The following INTS9 variants were observed in gnomAD, a reference collection of about 807,000 sequenced individuals.
INTS9 encodes protein related to CPSF subunits of 74 kDa.
A neutral mutation model predicts 79.7 loss-of-function variants in INTS9; 55 were observed. The observed-to-expected ratio is 0.69, with a 90% CI of 0.56 to 0.86. The LOEUF (loss-of-function observed/expected upper bound fraction) is 0.86, where lower values mean the gene tolerates loss of function less well. INTS9 is among the 40% of genes least tolerant of loss of function. The probability of loss-of-function intolerance (pLI) is 0.00; values close to 1 mark genes in which losing one functional copy is unlikely to be tolerated. For synonymous variants in INTS9, 319 were observed against 325.2 expected (o/e 0.98, Z 0.20); for missense variants, 721 against 831.5 (o/e 0.87, Z 1.64).
At position 28,768,044 on chromosome 8, in the gene INTS9, C is replaced by T. The variant is rs1437017447; in HGVS notation, c.*102G>A. On this transcript the variant is annotated 3_prime_UTR_variant, in exon 17 of 17. Transcript: ENST00000521022. ...TCACTCCTTAAGCCAGAGGACACCA[C>T]AAAGACACAGTTAATGGCCTCTCAT... 9.2e-7 allele frequency: 1 copy of T among 1,090,096 alleles called. No homozygotes were observed. Among genetic ancestry groups the T allele is most frequent in the Non-Finnish European group, 1.4e-6 (1 of 724,644 alleles). 67.5% of individuals were successfully genotyped at this position (1,090,096 alleles called of 1,614,324 possible). A position where few individuals can be genotyped will look rare whatever the true frequency, so the allele number is the denominator to read the frequency against.
rs771721619 is a variant in INTS9, at chr8:28,812,442, TG to T, written c.628del (p.Gln210ArgfsTer2). 1 of 1,613,890 alleles carries T rather than the reference TG, an allele frequency of 6.2e-7. No individual in the cohort carries two copies. Among genetic ancestry groups the T allele is most frequent in the South Asian group, 1.1e-5 (1 of 91,028 alleles). ...ATAGCCAGAGCTCAGAGGAGTCACC[TG>T]GACCGCACCAAAAAGCTCCTAAAAG... is the stretch of plus-strand genomic sequence containing the variant. ...SQKIELFGAV[Q>X]VTPLSSGYAL... is the part of the protein sequence containing the mutation. On this transcript the variant is annotated frameshift_variant, in exon 8 of 17. Coordinates refer to ENST00000521022, the MANE Select transcript of INTS9 (RefSeq NM_018250.4). LOFTEE classifies it high-confidence loss of function.
chr8:28,838,493 A>C (rs1028957501), intron 4 of INTS9, among the ~76,000 whole-genome samples: 1 of 152,152 alleles, frequency 6.6e-6, no homozygotes, highest in African/African-American at 2.4e-5. Context: ...ATTTTTCCAT[A>C]TATTTAAGTC....
At chr8:28,843,564 G>A (rs576793290) in intron 4 of INTS9, among the ~76,000 whole-genome samples, 3 of 152,134 alleles carry the variant, frequency 2.0e-5, no homozygotes, top group Non-Finnish European at 2.9e-5. Context: ...TCACATCAGA[G>A]TCTACAGGTA....
At position 28,768,282 on chromosome 8, in the gene INTS9, C is replaced by G; in HGVS notation, c.1841G>C (p.Gly614Ala). ...AGCCTCCTGGAGCAGGACGATATGG[C>G]CCTTGGCTGTGTCCTCCACCTTAAT... ...SDIKVEDTAK[G>A]HIVLLQEAET... Residue 614 changes from glycine (G) to alanine (A), a missense_variant, in exon 17 of 17, where the codon GGC becomes GCC. Gly to Ala is a moderately conservative substitution (Grantham distance 60). Transcript: ENST00000521022. 2 of 1,613,940 alleles carry G rather than the reference C, an allele frequency of 1.2e-6. No homozygotes were observed. The highest frequency in any genetic ancestry group is 1.7e-6 in the Non-Finnish European group (2 of 1,180,030).
chr8:28,796,826 G>A lies in INTS9; in HGVS notation c.745-171C>T. 3 of 565,038 alleles carry A rather than the reference G, an allele frequency of 5.3e-6. No individual in the cohort carries two copies. The South Asian group carries it at 6.8e-5, about 13-fold the overall frequency. 35.0% of individuals were successfully genotyped at this position (565,038 alleles called of 1,614,324 possible). On this transcript the variant is annotated intron_variant, in intron 8 of 16. Coordinates refer to ENST00000521022, the MANE Select transcript of INTS9 (RefSeq NM_018250.4). ...CTTAACCACTGGCTGCCTAAGTTGG[G>A]TGGGGACTGATGGGAGGAGGCAAGA...
At chr8:28,772,626 T>C (rs2130851469) in intron 14 of INTS9, among the ~76,000 whole-genome samples, 1 of 151,930 alleles carries the variant, frequency 6.6e-6, no homozygotes, top group East Asian at 1.9e-4. Context: ...GCTAACACAG[T>C]GAAACCCTGT....
At chr8:28,835,808 G>A (rs114986026) in intron 5 of INTS9, among the ~76,000 whole-genome samples, 1,534 of 151,820 alleles carry the variant, frequency 0.01, 26 homozygotes, top group African/African-American at 0.035. Flanking sequence ...ACAATATTAA[G>A]TGAACTTTTT....
chr8:28,815,610 A>G (rs1400341772), intron 6 of INTS9, among the ~76,000 whole-genome samples: 4 of 152,298 alleles, frequency 2.6e-5, no homozygotes, highest in Non-Finnish European at 4.4e-5. Flanking sequence ...AGTCTGAAAC[A>G]CTTTGGTCCC....
chr8:28,842,658 C>T (rs1367194896), intron 4 of INTS9, among the ~76,000 whole-genome samples: 1 of 152,044 alleles, frequency 6.6e-6, no homozygotes, highest in Non-Finnish European at 1.5e-5. Context: ...TGAAACGTTT[C>T]ACCTCCCACT....
chr8:28,785,749 G>A (rs759677923), intron 11 of INTS9, among the ~76,000 whole-genome samples: 2 of 152,126 alleles, frequency 1.3e-5, no homozygotes, highest in Non-Finnish European at 2.9e-5. Flanking sequence ...TGGAAGATAC[G>A]TATGTGCACA....
chr8:28,865,034 A>G (rs751126715), intron 1 of INTS9, among the ~76,000 whole-genome samples: 2 of 152,002 alleles, frequency 1.3e-5, no homozygotes, highest in Non-Finnish European at 2.9e-5. Flanking sequence ...TTTTCATAGT[A>G]AAAAAATCTC....
chr8:28,775,843 C>T lies in INTS9; in HGVS notation c.1479G>A (p.Gln493=), dbSNP rs778992467. Residue 493 remains glutamine (Q), a synonymous_variant, in exon 14 of 17, where the codon CAG becomes CAA. Transcript: ENST00000521022. ...SHRMDLMIDC[Q]PPAMSYRRAE... is the part of the protein sequence containing the mutation. ...CCCGCCGATAGGACATGGCGGGGGG[C>T]TGGCAGTCGATCATGAGGTCCATCC... is the stretch of plus-strand genomic sequence containing the variant. 6.2e-7 allele frequency: 1 copy of T among 1,613,532 alleles called. No individual in the cohort carries two copies. The highest frequency in any genetic ancestry group is 1.1e-5 in the South Asian group (1 of 91,014).
chr8:28,820,543 C>A (rs1805772651), intron 6 of INTS9, among the ~76,000 whole-genome samples: 3 of 152,216 alleles, frequency 2.0e-5, no homozygotes, highest in Admixed American at 2.0e-4. Context: ...ATAACCCAAC[C>A]TTTCTCTTTG....
At chr8:28,789,613 G>A (rs889785045) in intron 10 of INTS9, among the ~76,000 whole-genome samples, 5 of 152,146 alleles carry the variant, frequency 3.3e-5, no homozygotes, top group Admixed American at 1.3e-4. Context: ...AAGGATCAGA[G>A]CCAGGCACTG....
intron 6 of INTS9, among the ~76,000 whole-genome samples, chr8:28,826,407 G>A (rs1373577433): frequency 6.6e-6 from 1 of 152,126 alleles, no homozygotes; most frequent in Non-Finnish European, 1.5e-5. Context: ...ACTGTGAGAG[G>A]TGGTGAAAAA....
intron 6 of INTS9, among the ~76,000 whole-genome samples, chr8:28,834,345 C>T (rs1806675509): frequency 6.6e-6 from 1 of 152,100 alleles, no homozygotes; most frequent in Non-Finnish European, 1.5e-5. Flanking sequence ...TCCTTATAAA[C>T]CTCCACTGGC....
chr8:28,866,926 G>T (rs1808783199), intron 1 of INTS9, among the ~76,000 whole-genome samples: 1 of 151,446 alleles, frequency 6.6e-6, no homozygotes, highest in South Asian at 2.1e-4. Flanking sequence ...AGTGAGCCAA[G>T]ATCGCACCAC....
chr8:28,828,681 T>A (rs1013278898), intron 6 of INTS9, among the ~76,000 whole-genome samples: 1 of 152,084 alleles, frequency 6.6e-6, no homozygotes, highest in African/African-American at 2.4e-5. Context: ...AACTTCAACT[T>A]GAACATGCAT....
intron 2 of INTS9, among the ~76,000 whole-genome samples, chr8:28,855,101 C>G (rs1474508039): frequency 6.6e-6 from 1 of 152,218 alleles, no homozygotes; most frequent in Non-Finnish European, 1.5e-5. Flanking sequence ...CCCTCCCAGT[C>G]CCCATCCAGC....
Sources: allele counts gnomAD v4.1 joint callset (sites outside exome capture counted in the v4.1 genomes callset), GRCh38; gene constraint gnomAD v4.1.1; transcripts MANE v1.5; gene names NCBI Gene and HGNC (gene_info 2026-07-23, HGNC 2026-07-21).